FIP1L1: variants seen among roughly 807,000 people sequenced by gnomAD.
The protein encoded by FIP1L1 is pre-mRNA 3'-end-processing factor FIP1.
FIP1L1 carries 21 observed loss-of-function variants against 84.6 expected under a neutral mutation model. That is an observed-to-expected ratio of 0.25 (90% CI 0.18 to 0.36). The LOEUF (loss-of-function observed/expected upper bound fraction) is 0.36, where lower values mean the gene tolerates loss of function less well. Ranked by LOEUF, FIP1L1 falls within the 10% of genes least tolerant of loss-of-function variation. The pLI is 1.00. For synonymous variants in FIP1L1, 263 were observed against 242.3 expected (o/e 1.09, Z -0.80); for missense variants, 526 against 751.1 (o/e 0.70, Z 3.50).
chr4:53,384,093 A>G (rs1320255027), intron 5 of FIP1L1, among the ~76,000 whole-genome samples: 1 of 152,164 alleles, frequency 6.6e-6, no homozygotes, highest in Admixed American at 6.5e-5. Flanking sequence ...TTGATGCTGA[A>G]TTTAAAGTGT....
intron 10 of FIP1L1, among the ~76,000 whole-genome samples, chr4:53,406,349 G>T (rs993010729): frequency 2.0e-5 from 3 of 152,204 alleles, no homozygotes; most frequent in African/African-American, 7.2e-5. Context: ...TTGCATCCCA[G>T]GGATGAAGCC....
intron 13 of FIP1L1, among the ~76,000 whole-genome samples, chr4:53,428,595 GTCT>G (rs71197022): frequency 0.19 from 29,217 of 151,996 alleles, 3,306 homozygotes; most frequent in Non-Finnish European, 0.25. Context: ...TTTCAGTCTG[GTCT>G]TCTTCTGTAT....
intron 11 of FIP1L1, among the ~76,000 whole-genome samples, chr4:53,423,640 A>G (rs1197013135): frequency 6.6e-6 from 1 of 152,192 alleles, no homozygotes. Flanking sequence ...AGCTTAATTT[A>G]TATGATTAAA....
chr4:53,385,874 C>T (rs1740748697), intron 5 of FIP1L1, among the ~76,000 whole-genome samples: 1 of 152,034 alleles, frequency 6.6e-6, no homozygotes, highest in Non-Finnish European at 1.5e-5. Context: ...AGTTGTTTAA[C>T]CTCTATATTT....
intron 11 of FIP1L1, among the ~76,000 whole-genome samples, chr4:53,422,414 A>G (rs971170109): frequency 1.3e-5 from 2 of 151,898 alleles, no homozygotes; most frequent in Non-Finnish European, 2.9e-5. Context: ...TATTGTACTC[A>G]TATTTTCTCT....
At chr4:53,427,734 T>G (rs1339285859) in intron 12 of FIP1L1, among the ~76,000 whole-genome samples, 1 of 152,198 alleles carries the variant, frequency 6.6e-6, no homozygotes, top group Non-Finnish European at 1.5e-5. Flanking sequence ...TTTTTTCTTG[T>G]GTGGAGTGTT....
chr4:53,380,401 A>C (rs1737190400), intron 3 of FIP1L1, among the ~76,000 whole-genome samples: 1 of 152,234 alleles, frequency 6.6e-6, no homozygotes, highest in African/African-American at 2.4e-5. Context: ...GTGGTTACTA[A>C]GAGTTGGGTG....
Position 53,379,239 on chromosome 4 carries a change from G to A in FIP1L1, c.145G>A (p.Glu49Lys). 1 of 1,604,300 alleles carries A rather than the reference G, an allele frequency of 6.2e-7. No individual in the cohort carries two copies. Among genetic ancestry groups the A allele is most frequent in the Non-Finnish European group, 8.5e-7 (1 of 1,177,542 alleles). ...LAKDLDENEV[E>K]RPEEENASAN... ...TTACTTGGTAGATGAAAATGAAGTTGAAAGGCCAGAAGAAGAAAATGCCAG... is the reference window on the plus strand; with the variant it reads ...TTACTTGGTAGATGAAAATGAAGTTAAAAGGCCAGAAGAAGAAAATGCCAG... Residue 49 changes from glutamate to lysine, a missense_variant, in exon 3 of 18, where the codon GAA (glutamate) becomes AAA (lysine). Physicochemically the swap from Glu to Lys is moderately conservative, Grantham distance 56 (BLOSUM62 1). Around this residue, in one of 6 missense-constraint regions of FIP1L1, gnomAD observed 100 missense variants for 107.2 expected, o/e 0.93. Transcript: ENST00000337488.
intron 9 of FIP1L1, among the ~76,000 whole-genome samples, chr4:53,399,127 T>C (rs1360230454): frequency 1.3e-5 from 2 of 152,220 alleles, no homozygotes; most frequent in Non-Finnish European, 2.9e-5. Context: ...TACTCCAGCC[T>C]GGGTGACAGA....
chr4:53,417,004 A>G (rs1306685016), intron 11 of FIP1L1, among the ~76,000 whole-genome samples: 2 of 152,180 alleles, frequency 1.3e-5, no homozygotes, highest in Non-Finnish European at 2.9e-5. Flanking sequence ...TTTCAATGTA[A>G]TTTTAAACTT....
chr4:53,432,831 A>G (rs1286160545), intron 13 of FIP1L1, among the ~76,000 whole-genome samples: 1 of 152,196 alleles, frequency 6.6e-6, no homozygotes. Flanking sequence ...ACCTATATCC[A>G]GAAAATCGTA....
rs1385610331 is a variant in FIP1L1, at chr4:53,382,334, C to T, written c.227C>T (p.Pro76Leu). ...DETAENGVPKPKVTETEDDSD... is the reference protein window; with the variant it reads ...DETAENGVPKLKVTETEDDSD... ...ACTGCTGAAAATGGTGTACCAAAAC[C>T]GGTAACATAAGGCTTTGAAATCCAG... Residue 76 changes from proline to leucine, a missense_variant and splice_region_variant, in exon 4 of 18, where the codon CCG becomes CTG. By Grantham distance (98) the Pro-to-Leu change is moderately conservative. Around this residue, in one of 6 missense-constraint regions of FIP1L1, gnomAD observed 100 missense variants for 107.2 expected, o/e 0.93. Transcript: ENST00000337488. The T allele has an allele frequency of 3.1e-6, 5 of 1,611,772 alleles. No individual in the cohort carries two copies. The highest frequency in any genetic ancestry group is 2.2e-5 in the East Asian group (1 of 44,828).
intron 12 of FIP1L1, 80 bp from the exon 13 acceptor site, chr4:53,427,947 G>T: frequency 1.7e-6 from 2 of 1,209,942 alleles, no homozygotes; most frequent in East Asian, 2.6e-5. Context: ...TTGTTTCTTA[G>T]ATTAAATGAA....
intron 9 of FIP1L1, among the ~76,000 whole-genome samples, chr4:53,391,950 T>A (rs1230795822): frequency 6.6e-6 from 1 of 152,230 alleles, no homozygotes; most frequent in Non-Finnish European, 1.5e-5. Context: ...TAGCTCAAGA[T>A]ATCTTCAAAA....
intron 9 of FIP1L1, 78 bp from the exon 10 acceptor site, chr4:53,399,652 A>T: frequency 1.1e-6 from 1 of 885,156 alleles, no homozygotes; most frequent in Non-Finnish European, 1.8e-6. Flanking sequence ...AATGTTGTAA[A>T]CTTATTTTAA....
At chr4:53,379,982 G>A (rs1397574487) in intron 3 of FIP1L1, among the ~76,000 whole-genome samples, 1 of 152,154 alleles carries the variant, frequency 6.6e-6, no homozygotes, top group Non-Finnish European at 1.5e-5. Context: ...CGAGTAAGCT[G>A]CAATCGAAAA....
chr4:53,393,258 G>A (rs1745261462), intron 9 of FIP1L1, among the ~76,000 whole-genome samples: 1 of 152,142 alleles, frequency 6.6e-6, no homozygotes, highest in African/African-American at 2.4e-5. Flanking sequence ...AAATGAACTA[G>A]GGCCTGAACT....
At chr4:53,437,456 A>G (rs1769893487) in intron 13 of FIP1L1, among the ~76,000 whole-genome samples, 1 of 151,384 alleles carries the variant, frequency 6.6e-6, no homozygotes, top group South Asian at 2.1e-4. Context: ...AAAATTCGGA[A>G]TGGGATTTAT....
At chr4:53,432,253 C>T in intron 13 of FIP1L1, among the ~76,000 whole-genome samples, 1 of 151,662 alleles carries the variant, frequency 6.6e-6, no homozygotes, top group Non-Finnish European at 1.5e-5. Flanking sequence ...AAAAAATTAG[C>T]TGGGTGTGGT....
Sources: allele counts gnomAD v4.1 joint callset (sites outside exome capture counted in the v4.1 genomes callset), GRCh38; gene constraint gnomAD v4.1.1; regional missense constraint gnomAD v4.1.1; transcripts MANE v1.5; gene names NCBI Gene and HGNC (gene_info 2026-07-23, HGNC 2026-07-21).